Variants in SCARB2 observed in about 807,000 individuals in gnomAD.
The protein encoded by SCARB2 is lysosome membrane protein 2.
Under a neutral mutation model 58.6 loss-of-function variants are expected in SCARB2, and 29 were observed. The observed-to-expected ratio is 0.49, with a 90% confidence interval of 0.37 to 0.67. The LOEUF (loss-of-function observed/expected upper bound fraction) is 0.67. SCARB2 is among the 30% of genes least tolerant of loss of function. The pLI is 0.00. For missense variants in SCARB2, 488 were observed against 578.5 expected, an observed-to-expected ratio of 0.84 and a Z score of 1.60; for synonymous variants, 195 against 210.1, an observed-to-expected ratio of 0.93 and a Z score of 0.62.
At chr4:76,170,778 C>A (rs1339018200) in intron 7 of SCARB2, among the ~76,000 whole-genome samples, 1 of 151,932 alleles carries the variant, frequency 6.6e-6, no homozygotes, top group African/African-American at 2.4e-5. Flanking sequence ...CCTCAGCCTC[C>A]CAAAGTGCTG....
In SCARB2 at chr4:76,179,690, A is replaced by G; in HGVS notation, c.439T>C (p.Ser147Pro). Residue 147 changes from serine to proline, a missense_variant, in exon 4 of 12, where the codon TCC becomes CCC. Physicochemically the swap from Ser to Pro is moderately conservative, Grantham distance 74. Transcript: ENST00000264896. ...NIPVLTVIEW[S>P]QVHFLREIIE... is the part of the protein sequence containing the mutation. ...ATCTCCCTGAGGAAGTGCACCTGGGACCACTCTATGACAGTCTGCGGAGCA... is the reference window on the plus strand; with the variant it reads ...ATCTCCCTGAGGAAGTGCACCTGGGGCCACTCTATGACAGTCTGCGGAGCA... 6.2e-7 allele frequency: 1 copy of G among 1,613,812 alleles called. No homozygotes were observed. Among genetic ancestry groups the G allele is most frequent in the Non-Finnish European group, 8.5e-7 (1 of 1,179,846 alleles).
rs1373971652 is a variant in SCARB2, at chr4:76,174,279, C to A, written c.859G>T (p.Val287Leu). The change falls in exon 7 of 12, where the codon GTA becomes TTA. Residue 287 changes from valine to leucine, a missense_variant. Physicochemically the swap from Val to Leu is conservative, Grantham distance 32. Coordinates refer to ENST00000264896, the MANE Select transcript of SCARB2 (RefSeq NM_005506.4). ...TACCGAAAGGCAGGCAGTCCCTGTACACTCTCATAGTCACTGAAAGTAATA... is the reference window on the plus strand; with the variant it reads ...TACCGAAAGGCAGGCAGTCCCTGTAAACTCTCATAGTCACTGAAAGTAATA... ...VYITFSDYES[V>L]QGLPAFRYKV... 1 of 1,614,162 alleles carries A rather than the reference C, an allele frequency of 6.2e-7. No homozygotes were observed. Among genetic ancestry groups the A allele is most frequent in the Non-Finnish European group, 8.5e-7 (1 of 1,180,006 alleles).
chr4:76,168,667 T>C (rs1460571997), intron 8 of SCARB2, among the ~76,000 whole-genome samples, 191 bp from the exon 9 acceptor site: 1 of 152,226 alleles, frequency 6.6e-6, no homozygotes, highest in Non-Finnish European at 1.5e-5. Context: ...AGGTGGCTGA[T>C]AGACCAGTGT....
In SCARB2 at chr4:76,169,594, G is replaced by A. The variant is rs187243002; in HGVS notation, c.1113+273C>T. On this transcript the variant is annotated intron_variant, in intron 8 of 11. Transcript: ENST00000264896. Reference sequence around the variant, plus strand: ...TCAGAAGATTGACCAGGTTATATGGGTACATCAGTAGTTTCCAATAACTGA... The same window carrying A: ...TCAGAAGATTGACCAGGTTATATGGATACATCAGTAGTTTCCAATAACTGA... Among the ~76,000 whole-genome samples, 34 of 152,278 alleles carry A rather than the reference G, an allele frequency of 2.2e-4. No homozygotes were observed. In the South Asian group the frequency reaches 4.1e-3, roughly 19 times the overall value.
chr4:76,175,949 C>T (rs781581678), intron 5 of SCARB2, 39 bp from the exon 6 acceptor site: 1 of 1,611,052 alleles, frequency 6.2e-7, no homozygotes, highest in Non-Finnish European at 8.5e-7. Flanking sequence ...AAGATGATCA[C>T]ATTTGAGTTT....
chr4:76,199,231 CAG>C (rs1732779661), intron 1 of SCARB2, among the ~76,000 whole-genome samples: 1 of 152,202 alleles, frequency 6.6e-6, no homozygotes, highest in South Asian at 2.1e-4. Flanking sequence ...TCCAGGAGTG[CAG>C]ATTTACTCAC....
At chr4:76,233,616 C>T (rs935455765) in intron 1 of SCARB2, among the ~76,000 whole-genome samples, 1 of 151,476 alleles carries the variant, frequency 6.6e-6, no homozygotes, top group African/African-American at 2.4e-5. Context: ...ATGTAACTGA[C>T]AAGCATATAA....
At chr4:76,171,689 TTGAGCCAGA>T (rs1732132014) in intron 7 of SCARB2, among the ~76,000 whole-genome samples, 1 of 151,928 alleles carries the variant, frequency 6.6e-6, no homozygotes, top group Admixed American at 6.5e-5. Context: ...CATTTTTGCT[TTGAGCCAGA>T]TGCACACCAG....
chr4:76,213,136 GTA>G, intron 1 of SCARB2: 1 of 418,508 alleles, frequency 2.4e-6, no homozygotes, highest in Non-Finnish European at 4.5e-6. Flanking sequence ...AGATTGGGGT[GTA>G]GACGGAAGGA....
intron 9 of SCARB2, among the ~76,000 whole-genome samples, chr4:76,167,248 C>G (rs774480752): frequency 1.1e-4 from 16 of 152,154 alleles, no homozygotes; most frequent in Non-Finnish European, 2.4e-4. Flanking sequence ...GGAAGAGACT[C>G]TGTCTCAAGT....
intron 1 of SCARB2, among the ~76,000 whole-genome samples, chr4:76,199,216 C>T (rs11934628): frequency 0.023 from 3,492 of 152,284 alleles, 119 homozygotes; most frequent in African/African-American, 0.08. Context: ...TCAAATCTGA[C>T]CAAGTCCAGG....
chr4:76,166,178 C>T lies in SCARB2; in HGVS notation c.1239+72G>A, dbSNP rs993640943. 4.3e-6 allele frequency: 6 copies of T among 1,411,244 alleles called. No homozygotes were observed. In the African/African-American group the frequency reaches 5.7e-5, roughly 13 times the overall value. 87.4% of individuals were successfully genotyped at this position (1,411,244 alleles called of 1,614,324 possible). On this transcript the variant is annotated intron_variant, in intron 10 of 11. Transcript: ENST00000264896. Reference sequence around the variant, plus strand: ...TTCTGTCATAACTTACATGTAACTACAACAGTAGACATCATAATGGATTTT... The same window carrying T: ...TTCTGTCATAACTTACATGTAACTATAACAGTAGACATCATAATGGATTTT...
intron 2 of SCARB2, among the ~76,000 whole-genome samples, chr4:76,183,040 T>G (rs1421628552): frequency 6.6e-6 from 1 of 152,216 alleles, no homozygotes; most frequent in Non-Finnish European, 1.5e-5. Context: ...AAATCCCTTC[T>G]AGACTTTAAA....
At position 76,168,363 on chromosome 4, in the gene SCARB2, C is replaced by G. The variant is rs367905004; in HGVS notation, c.1187+40G>C. On this transcript the variant is annotated intron_variant, in intron 9 of 11. Transcript: ENST00000264896. The stretch of plus-strand genomic sequence containing the variant: ...CAACCCCACCAGACGGGCAATGGAG[C>G]AAAACTGCTGTCCCCTCCATAGAAA... 103 of 1,521,342 alleles carry G rather than the reference C, an allele frequency of 6.8e-5. 1 individual carries two copies. In the South Asian group the frequency reaches 1.1e-3, roughly 17 times the overall value. The allele number at this position is 1,521,342 out of a possible 1,614,324, so 94.2% of individuals were successfully genotyped here. A position where few individuals can be genotyped will look rare whatever the true frequency, so the allele number is the denominator to read the frequency against.
chr4:76,223,493 T>C (rs1195972712), intron 1 of SCARB2, among the ~76,000 whole-genome samples: 1 of 152,202 alleles, frequency 6.6e-6, no homozygotes, highest in Non-Finnish European at 1.5e-5. Context: ...GTGATGTGCA[T>C]CACAATATTA....
chr4:76,187,858 TTAAAGA>T (rs1732520800), intron 2 of SCARB2, among the ~76,000 whole-genome samples: 3 of 152,088 alleles, frequency 2.0e-5, no homozygotes, highest in African/African-American at 4.8e-5. Context: ...GTCTACACTC[TTAAAGA>T]TAATGCTGTA....
intron 1 of SCARB2, among the ~76,000 whole-genome samples, chr4:76,223,100 A>G (rs1480251092): frequency 2.6e-5 from 4 of 152,218 alleles, no homozygotes. Context: ...CTGGTAGCAG[A>G]TGTCAACCTC....
chr4:76,163,030 CCCT>C lies in SCARB2; in HGVS notation c.1398+192_1398+194del, dbSNP rs1353622929. Reference sequence around the variant, plus strand: ...CCAAATATTAGATGGTACCTTCTAACCCTCCACCTTCTTTGACACACTTCCTTT... The same window carrying C: ...CCAAATATTAGATGGTACCTTCTAACCCACCTTCTTTGACACACTTCCTTT... On this transcript the variant is annotated intron_variant, in intron 11 of 11. Coordinates refer to ENST00000264896, the MANE Select transcript of SCARB2 (RefSeq NM_005506.4). The C allele has an allele frequency of 3.0e-5, 20 of 673,634 alleles. 1 individual carries two copies. 41.7% of individuals were successfully genotyped at this position (673,634 alleles called of 1,614,324 possible). A position where few individuals can be genotyped will look rare whatever the true frequency, so the allele number is the denominator to read the frequency against.
chr4:76,227,899 T>TA (rs1236568120), intron 1 of SCARB2, among the ~76,000 whole-genome samples: 6 of 152,262 alleles, frequency 3.9e-5, no homozygotes, highest in Admixed American at 3.9e-4. Context: ...TCTAGCCCAT[T>TA]ACATTAAGTT....
Sources: allele counts gnomAD v4.1 joint callset (sites outside exome capture counted in the v4.1 genomes callset), GRCh38; gene constraint gnomAD v4.1.1; transcripts MANE v1.5; gene names NCBI Gene and HGNC (gene_info 2026-07-23, HGNC 2026-07-21).